Variants in GRID2 observed in about 807,000 individuals in gnomAD.
GRID2 encodes glutamate ionotropic receptor delta type subunit 2.
GRID2 carries 33 observed loss-of-function variants against 114.8 expected under a neutral mutation model. That is an observed-to-expected ratio of 0.29 (90% CI 0.22 to 0.38). GRID2 has a LOEUF of 0.38. GRID2 is among the 10% of genes least tolerant of loss of function. The pLI, the probability that GRID2 is intolerant of heterozygous loss-of-function variation, is 1.00. For synonymous variants in GRID2, 505 were observed against 449.9 expected (o/e 1.12, Z -1.55); for missense variants, 1,184 against 1,257.7 (o/e 0.94, Z 0.89).
chr4:93,523,932 G>A (rs936442492), intron 13 of GRID2, among the ~76,000 whole-genome samples: 4 of 152,074 alleles, frequency 2.6e-5, no homozygotes, highest in Admixed American at 6.6e-5. Context: ...TCCTGACCTT[G>A]CATGTCGGCC....
At chr4:93,157,141 T>A (rs563024630) in intron 4 of GRID2, among the ~76,000 whole-genome samples, 1 of 151,724 alleles carries the variant, frequency 6.6e-6, no homozygotes, top group Non-Finnish European at 1.5e-5. Context: ...CTGGTAGTTG[T>A]GTTCTCAGTA....
chr4:93,163,912 T>C (rs920914290), intron 4 of GRID2, among the ~76,000 whole-genome samples: 1 of 151,990 alleles, frequency 6.6e-6, no homozygotes, highest in African/African-American at 2.4e-5. Context: ...ATACATTATA[T>C]GGATTTTTAG....
intron 2 of GRID2, among the ~76,000 whole-genome samples, chr4:92,921,738 G>A (rs1409424967): frequency 6.6e-6 from 1 of 152,198 alleles, no homozygotes; most frequent in Non-Finnish European, 1.5e-5. Flanking sequence ...CTGGCCGTGT[G>A]AGGTGTCAGT....
intron 14 of GRID2, among the ~76,000 whole-genome samples, chr4:93,658,013 C>A (rs938533592): frequency 1.3e-5 from 2 of 152,140 alleles, no homozygotes. Context: ...TTTCTACTTC[C>A]ATTGGGATCC....
At chr4:92,814,162 C>T (rs572977922) in intron 2 of GRID2, among the ~76,000 whole-genome samples, 121 of 152,128 alleles carry the variant, frequency 8.0e-4, no homozygotes, top group African/African-American at 2.9e-3. Flanking sequence ...GTATTTGTGT[C>T]TTGTATTATT....
At chr4:92,957,374 T>C (rs1415986394) in intron 2 of GRID2, among the ~76,000 whole-genome samples, 1 of 152,152 alleles carries the variant, frequency 6.6e-6, no homozygotes, top group Non-Finnish European at 1.5e-5. Flanking sequence ...TCCAGGTGGT[T>C]GTCTAGTTGT....
At chr4:93,037,500 AG>A (rs1341451166) in intron 2 of GRID2, among the ~76,000 whole-genome samples, 5 of 151,860 alleles carry the variant, frequency 3.3e-5, no homozygotes, top group Admixed American at 2.0e-4. Flanking sequence ...TGTTTTCATC[AG>A]GAAGTCCTTG....
intron 1 of GRID2, among the ~76,000 whole-genome samples, chr4:92,510,047 A>G (rs947567425): frequency 1.3e-5 from 2 of 151,864 alleles, no homozygotes; most frequent in Non-Finnish European, 2.9e-5. Flanking sequence ...CGTTAATAAG[A>G]GACTGTATTG....
At chr4:93,465,391 T>A (rs1724168293) in intron 11 of GRID2, among the ~76,000 whole-genome samples, 1 of 152,222 alleles carries the variant, frequency 6.6e-6, no homozygotes, top group South Asian at 2.1e-4. Context: ...AACATAAATA[T>A]CTAACTAAAC....
At chr4:93,368,653 T>C (rs2149287235) in intron 8 of GRID2, among the ~76,000 whole-genome samples, 1 of 152,256 alleles carries the variant, frequency 6.6e-6, no homozygotes, top group Non-Finnish European at 1.5e-5. Flanking sequence ...AGTAAAACAA[T>C]AAACTTTTTC....
chr4:93,224,805 T>C, intron 7 of GRID2, 30 bp downstream of exon 7: 1 of 1,474,032 alleles, frequency 6.8e-7, no homozygotes, highest in Non-Finnish European at 9.4e-7. Flanking sequence ...GTAAAAAGGA[T>C]ATGGTAAATA....
chr4:92,432,213 G>T (rs1732494755), intron 1 of GRID2, among the ~76,000 whole-genome samples: 1 of 152,076 alleles, frequency 6.6e-6, no homozygotes, highest in African/African-American at 2.4e-5. Flanking sequence ...ACAGTATTGG[G>T]TCTCTCCTAA....
At chr4:92,504,308 A>G (rs930026536) in intron 1 of GRID2, among the ~76,000 whole-genome samples, 5 of 151,998 alleles carry the variant, frequency 3.3e-5, no homozygotes, top group African/African-American at 1.2e-4. Context: ...ATGGGAGAAA[A>G]ACCCAAATTC....
chr4:93,289,374 T>A (rs763667912), intron 8 of GRID2, among the ~76,000 whole-genome samples: 1 of 152,210 alleles, frequency 6.6e-6, no homozygotes, highest in Non-Finnish European at 1.5e-5. Flanking sequence ...AAATAGCTAC[T>A]TATTACATCA....
At chr4:92,367,860 A>G (rs1285632231) in intron 1 of GRID2, among the ~76,000 whole-genome samples, 1 of 152,112 alleles carries the variant, frequency 6.6e-6, no homozygotes, top group Non-Finnish European at 1.5e-5. Context: ...CACATATATA[A>G]CTTGTCTTCT....
chr4:93,550,371 A>T (rs1371681320), intron 13 of GRID2, among the ~76,000 whole-genome samples: 1 of 152,224 alleles, frequency 6.6e-6, no homozygotes, highest in Non-Finnish European at 1.5e-5. Flanking sequence ...ATAAAAGTAG[A>T]CATTGTTAGA....
At chr4:93,631,876 T>G (rs1228938069) in intron 14 of GRID2, among the ~76,000 whole-genome samples, 1 of 152,224 alleles carries the variant, frequency 6.6e-6, no homozygotes, top group Admixed American at 6.5e-5. Context: ...CTCCAGTACC[T>G]GTTGTTTCCT....
chr4:92,612,133 T>C (rs1382965980), intron 2 of GRID2, among the ~76,000 whole-genome samples: 1 of 151,540 alleles, frequency 6.6e-6, no homozygotes, highest in Non-Finnish European at 1.5e-5. Flanking sequence ...CTATCCGTTA[T>C]TTTGTGTTTG....
At chr4:92,489,258 C>T (rs1345934157) in intron 1 of GRID2, among the ~76,000 whole-genome samples, 1 of 151,908 alleles carries the variant, frequency 6.6e-6, no homozygotes. Context: ...CTTAAAAACT[C>T]AACAGAAATA....
Sources: allele counts gnomAD v4.1 joint callset (sites outside exome capture counted in the v4.1 genomes callset), GRCh38; gene constraint gnomAD v4.1.1; transcripts MANE v1.5; gene names NCBI Gene and HGNC (gene_info 2026-07-23, HGNC 2026-07-21).